Variants in UGT8 observed in about 807,000 individuals in gnomAD.
UGT8 encodes UDP glycosyltransferase 8, also known as 2-hydroxyacylsphingosine 1-beta-galactosyltransferase.
A neutral mutation model predicts 40.5 loss-of-function variants in UGT8; 12 were observed. The observed-to-expected ratio is 0.30, with a 90% CI of 0.19 to 0.48. The LOEUF (loss-of-function observed/expected upper bound fraction) is 0.48. Among genes scored for constraint, UGT8 ranks in the 20% least tolerant of loss-of-function variants. UGT8 has a pLI of 0.99. For missense variants in UGT8, 513 were observed against 648.7 expected (o/e 0.79, Z 2.27); for synonymous variants, 224 against 240.4 (o/e 0.93, Z 0.63).
intron 1 of UGT8, among the ~76,000 whole-genome samples, chr4:114,614,041 C>T (rs1041947638): frequency 2.0e-5 from 3 of 152,060 alleles, no homozygotes; most frequent in African/African-American, 7.2e-5. Flanking sequence ...ATCTTACCTT[C>T]CTGCTTAATG....
intron 2 of UGT8, among the ~76,000 whole-genome samples, chr4:114,645,307 T>C (rs1489150441): frequency 6.6e-6 from 1 of 152,210 alleles, no homozygotes; most frequent in Non-Finnish European, 1.5e-5. Context: ...GTTCTTTACA[T>C]GTACTATTTC....
chr4:114,598,531 G>C (rs553749127), upstream of UGT8: 1 of 152,398 alleles, frequency 6.6e-6, no homozygotes, highest in East Asian at 1.9e-4. Context: ...CGCGTGGTAC[G>C]AAGGCGCGTC....
intron 2 of UGT8, among the ~76,000 whole-genome samples, chr4:114,628,342 G>A (rs1327180168): frequency 2.6e-5 from 4 of 152,066 alleles, no homozygotes; most frequent in Non-Finnish European, 4.4e-5. Flanking sequence ...GTTTCGATAT[G>A]TTGGCCAGGA....
intron 1 of UGT8, among the ~76,000 whole-genome samples, chr4:114,611,443 T>C (rs866058330): frequency 0.026 from 1,879 of 71,906 alleles, 16 homozygotes; most frequent in African/African-American, 0.041. Context: ...TATATATATA[T>C]ATACACACAC....
chr4:114,656,829 C>A, intron 2 of UGT8: 1 of 517,246 alleles, frequency 1.9e-6, no homozygotes, highest in South Asian at 1.4e-5. Context: ...ACTTTATCTG[C>A]TCTTCATTTC....
At chr4:114,624,752 TG>T in intron 2 of UGT8, among the ~76,000 whole-genome samples, 1 of 152,284 alleles carries the variant, frequency 6.6e-6, no homozygotes, top group Non-Finnish European at 1.5e-5. Flanking sequence ...TTTTCTAATA[TG>T]GCCATTAGAG....
chr4:114,603,842 C>G (rs548604368), intron 1 of UGT8, among the ~76,000 whole-genome samples: 1 of 152,150 alleles, frequency 6.6e-6, no homozygotes, highest in Admixed American at 6.5e-5. Flanking sequence ...TTTATGGAAA[C>G]CAGGACTTGG....
At chr4:114,615,412 T>G (rs1482291453) in intron 1 of UGT8, among the ~76,000 whole-genome samples, 1 of 152,152 alleles carries the variant, frequency 6.6e-6, no homozygotes, top group African/African-American at 2.4e-5. Flanking sequence ...GCCCAAGACT[T>G]TCCTAGTTTT....
intron 2 of UGT8, among the ~76,000 whole-genome samples, chr4:114,660,103 A>G (rs1483063807): frequency 6.6e-6 from 1 of 152,204 alleles, no homozygotes; most frequent in Non-Finnish European, 1.5e-5. Flanking sequence ...AAATTATGAA[A>G]AGAAAATATG....
In UGT8 at chr4:114,676,544, A is replaced by G. The variant is rs900202497; in HGVS notation, c.*256A>G. On this transcript the variant is annotated 3_prime_UTR_variant, in exon 6 of 6. Coordinates refer to ENST00000310836, the MANE Select transcript of UGT8 (RefSeq NM_001128174.3). ...TTTAGAAGCCTTAATTATTTAAATCAATTCAGTGACTGTGTCAGACCTTAG... is the reference window on the plus strand; with the variant it reads ...TTTAGAAGCCTTAATTATTTAAATCGATTCAGTGACTGTGTCAGACCTTAG... 2.8e-6 allele frequency: 1 copy of G among 362,692 alleles called. No homozygotes were observed. The highest frequency in any genetic ancestry group is 5.0e-6 in the Non-Finnish European group (1 of 200,752). The allele number at this position is 362,692 out of a possible 1,614,324, so 22.5% of individuals were successfully genotyped here.
intron 3 of UGT8, among the ~76,000 whole-genome samples, chr4:114,664,931 G>C (rs1734761248): frequency 6.6e-6 from 1 of 152,146 alleles, no homozygotes; most frequent in African/African-American, 2.4e-5. Flanking sequence ...GTAAGGATTA[G>C]CTCCCACTTC....
At chr4:114,601,762 G>A (rs1730455974) in intron 1 of UGT8, among the ~76,000 whole-genome samples, 1 of 151,616 alleles carries the variant, frequency 6.6e-6, no homozygotes, top group Admixed American at 6.6e-5. Context: ...TTTGTTTATA[G>A]TAAATGGTCT....
chr4:114,607,913 C>T (rs1389726087), intron 1 of UGT8, among the ~76,000 whole-genome samples: 3 of 152,164 alleles, frequency 2.0e-5, no homozygotes, highest in Non-Finnish European at 4.4e-5. Context: ...TCCATCACCT[C>T]CTACTGCCCA....
intron 2 of UGT8, among the ~76,000 whole-genome samples, chr4:114,645,902 G>A (rs1733540416): frequency 1.3e-5 from 2 of 152,162 alleles, no homozygotes; most frequent in African/African-American, 4.8e-5. Flanking sequence ...GTGAGATAGA[G>A]CTTGTCTAGG....
chr4:114,676,010 T>C lies in UGT8; in HGVS notation c.1348T>C (p.Tyr450His). ...PVNRTIYWID[Y>H]IIRHNGAHHL... ...CAATCGAACTATCTATTGGATAGAT[T>C]ATATTATTCGTCACAATGGAGCCCA... Residue 450 changes from tyrosine to histidine, a missense_variant, in exon 6 of 6, where the codon TAT (tyrosine) becomes CAT (histidine). This residue lies in a region of UGT8 where 175 missense variants were observed against 186.7 expected (regional missense o/e 0.94). Transcript: ENST00000310836. The C allele has an allele frequency of 1.9e-6, 3 of 1,614,208 alleles. No homozygotes were observed. The highest frequency in any genetic ancestry group is 2.5e-6 in the Non-Finnish European group (3 of 1,180,034).
chr4:114,676,123 G>C lies in UGT8; in HGVS notation c.1461G>C (p.Leu487Phe), dbSNP rs755651521. Residue 487 changes from leucine (L) to phenylalanine (F), a missense_variant, in exon 6 of 6, where the codon TTG (leucine) becomes TTC (phenylalanine). Physicochemically the swap from Leu to Phe is conservative, Grantham distance 22 (BLOSUM62 0). Coordinates refer to ENST00000310836, the MANE Select transcript of UGT8 (RefSeq NM_001128174.3). ...TTGTGCTTTTGCTTGGTGCTGCCTT[G>C]TTATACTTTCTCTTGTCTTGGGTGA... ...IAFVLLLGAALLYFLLSWVTK... is the reference protein window; with the variant it reads ...IAFVLLLGAAFLYFLLSWVTK... The C allele has an allele frequency of 6.2e-7, 1 of 1,614,126 alleles. No homozygotes were observed. Among genetic ancestry groups the C allele is most frequent in the Admixed American group, 1.7e-5 (1 of 60,026 alleles).
chr4:114,647,629 G>C (rs1399204326), intron 2 of UGT8, among the ~76,000 whole-genome samples: 1 of 152,110 alleles, frequency 6.6e-6, no homozygotes, highest in Non-Finnish European at 1.5e-5. Context: ...GTCTCCCAAA[G>C]TGTTGGGATT....
chr4:114,632,876 A>C (rs902518403), intron 2 of UGT8, among the ~76,000 whole-genome samples: 1 of 152,218 alleles, frequency 6.6e-6, no homozygotes, highest in Non-Finnish European at 1.5e-5. Context: ...ATTTTGCAAA[A>C]ATGGAATAAA....
intron 1 of UGT8, among the ~76,000 whole-genome samples, chr4:114,611,735 G>C (rs1490662849): frequency 6.6e-6 from 1 of 151,488 alleles, no homozygotes; most frequent in Non-Finnish European, 1.5e-5. Context: ...AATGAGGTAT[G>C]TGATCAAGAC....
Sources: allele counts gnomAD v4.1 joint callset (sites outside exome capture counted in the v4.1 genomes callset), GRCh38; gene constraint gnomAD v4.1.1; regional missense constraint gnomAD v4.1.1; transcripts MANE v1.5; gene names NCBI Gene and HGNC (gene_info 2026-07-23, HGNC 2026-07-21).